The following PPP6R3 variants were observed in gnomAD, a reference collection of about 807,000 sequenced individuals.
PPP6R3 encodes the protein serine/threonine-protein phosphatase 6 regulatory subunit 3.
A neutral mutation model predicts 110.7 loss-of-function variants in PPP6R3; 38 were observed. The observed-to-expected ratio is 0.34, with a 90% confidence interval of 0.26 to 0.45. The LOEUF is 0.45. Among genes scored for constraint, PPP6R3 ranks in the 20% least tolerant of loss-of-function variants. The probability of loss-of-function intolerance (pLI) is 1.00; values close to 1 mark genes in which losing one functional copy is unlikely to be tolerated. For missense variants in PPP6R3, 870 were observed against 1,062.4 expected (o/e 0.82, Z 2.52); for synonymous variants, 369 against 373.5 (o/e 0.99, Z 0.14).
chr11:68,511,408 ACTTTC>A (rs2099108675), intron 1 of PPP6R3, among the ~76,000 whole-genome samples: 1 of 151,126 alleles, frequency 6.6e-6, no homozygotes, highest in African/African-American at 2.4e-5. Flanking sequence ...AATTACAAAT[ACTTTC>A]CTTTCCTAAA....
chr11:68,519,084 T>C (rs1023797986), intron 1 of PPP6R3, among the ~76,000 whole-genome samples: 6 of 152,208 alleles, frequency 3.9e-5, no homozygotes, highest in African/African-American at 1.4e-4. Context: ...TAAAACGTAT[T>C]AAGTGGACTG....
chr11:68,515,891 T>C (rs962731006), intron 1 of PPP6R3, among the ~76,000 whole-genome samples: 2 of 152,250 alleles, frequency 1.3e-5, no homozygotes, highest in Non-Finnish European at 2.9e-5. Flanking sequence ...CATTTTTTTA[T>C]TGTAATAAAA....
chr11:68,608,644 TTTGG>T (rs1437942052), intron 22 of PPP6R3, among the ~76,000 whole-genome samples: 2 of 152,164 alleles, frequency 1.3e-5, no homozygotes, highest in Non-Finnish European at 2.9e-5. Flanking sequence ...GGAGGGCAGC[TTTGG>T]TTGGGAGAAG....
At position 68,613,255 on chromosome 11, in the gene PPP6R3, C is replaced by T. The variant is rs909177332; in HGVS notation, c.*138C>T. 4.2e-6 allele frequency: 6 copies of T among 1,430,102 alleles called. No individual in the cohort carries two copies. The African/African-American group carries it at 8.7e-5, about 21-fold the overall frequency. 88.6% of individuals were successfully genotyped at this position (1,430,102 alleles called of 1,614,324 possible). On this transcript the variant is annotated 3_prime_UTR_variant, in exon 24 of 24. Transcript: ENST00000393800. ...GATCAGGACCAGCAACCTTTATATT[C>T]TAGATTCTAAGACATTGTACAGAGA...
At chr11:68,517,130 C>T (rs550397096) in intron 1 of PPP6R3, among the ~76,000 whole-genome samples, 2 of 150,554 alleles carry the variant, frequency 1.3e-5, no homozygotes, top group South Asian at 4.2e-4. Flanking sequence ...TTTAGAACCC[C>T]TGTTGGTTGG....
chr11:68,494,447 C>T (rs535354085), intron 1 of PPP6R3, among the ~76,000 whole-genome samples: 5 of 145,612 alleles, frequency 3.4e-5, no homozygotes, highest in Middle Eastern at 3.6e-3. Flanking sequence ...GGTACCTATA[C>T]GCAAGTGTAT....
At position 68,614,008 on chromosome 11, in the gene PPP6R3, C is replaced by CATTGGTGAT; in HGVS notation, c.*891_*892insATTGGTGAT. The CATTGGTGAT allele has an allele frequency of 4.1e-6, 4 of 984,992 alleles. No individual in the cohort carries two copies. The highest frequency in any genetic ancestry group is 3.6e-6 in the Non-Finnish European group (3 of 829,850). 61.0% of individuals were successfully genotyped at this position (984,992 alleles called of 1,614,324 possible). ...AAATTTACCTTGTTAACAAGCATCA[C>CATTGGTGAT]CAATGAACATTTCAGAGCAATCTGC... On this transcript the variant is annotated 3_prime_UTR_variant, in exon 24 of 24. Coordinates refer to ENST00000393800, the MANE Select transcript of PPP6R3 (RefSeq NM_001164161.2).
chr11:68,507,939 C>G (rs1051460826), intron 1 of PPP6R3, among the ~76,000 whole-genome samples: 1 of 151,842 alleles, frequency 6.6e-6, no homozygotes, highest in Non-Finnish European at 1.5e-5. Flanking sequence ...GGTGAGGTGG[C>G]TAACACCTGT....
chr11:68,592,540 G>A (rs2099598766), intron 18 of PPP6R3, among the ~76,000 whole-genome samples: 1 of 152,210 alleles, frequency 6.6e-6, no homozygotes, highest in Non-Finnish European at 1.5e-5. Context: ...TGTTGCCACA[G>A]GTTATAGCAG....
chr11:68,554,964 T>C (rs969934785), intron 7 of PPP6R3, among the ~76,000 whole-genome samples: 6 of 152,246 alleles, frequency 3.9e-5, no homozygotes, highest in Non-Finnish European at 8.8e-5. Context: ...CTGCTGTATA[T>C]TGAGGCTGTT....
chr11:68,509,853 G>C (rs2099099490), intron 1 of PPP6R3, among the ~76,000 whole-genome samples: 2 of 147,280 alleles, frequency 1.4e-5, no homozygotes. Flanking sequence ...GGGTTCAAGC[G>C]ATTCTCCTGC....
chr11:68,574,285 C>A, intron 13 of PPP6R3, 61 bp downstream of exon 13: 1 of 1,349,188 alleles, frequency 7.4e-7, no homozygotes, highest in Non-Finnish European at 1.1e-6. Flanking sequence ...ATTTAAGGGT[C>A]AAGTAGAAAT....
rs556236642 is a variant in PPP6R3, at chr11:68,540,428, A to T, written c.227+2537A>T. 1.6e-3 allele frequency among the ~76,000 whole-genome samples: 244 copies of T among 152,330 alleles called. 1 individual carries two copies. The highest frequency in any genetic ancestry group is 5.7e-3 in the African/African-American group (235 of 41,566). On this transcript the variant is annotated intron_variant, in intron 3 of 23. Coordinates refer to ENST00000393800, the MANE Select transcript of PPP6R3 (RefSeq NM_001164161.2). ...AAATAGGTGTGGGTGACAGACATCA[A>T]GTACTTAACAGGGTAATAGAATATC...
intron 23 of PPP6R3, among the ~76,000 whole-genome samples, chr11:68,612,491 G>A (rs558314004): frequency 6.6e-6 from 1 of 151,928 alleles, no homozygotes; most frequent in East Asian, 1.9e-4. Context: ...TGGACACTTT[G>A]TTATATACTG....
In PPP6R3 at chr11:68,548,183, G is replaced by T. The variant is rs2099356664; in HGVS notation, c.531G>T (p.Gln177His). ...TCCTGACGTGTATCGAACCTCCACA[G>T]CCCAGGCAAGATGTGCTGAATGTGA... is the stretch of plus-strand genomic sequence containing the variant. The part of the protein sequence containing the change: ...LRLLTCIEPP[Q>H]PRQDVLNWLN... Residue 177 changes from glutamine (Q) to histidine (H), a missense_variant, in exon 5 of 24, where the codon CAG becomes CAT. By Grantham distance (24) the Gln-to-His change is conservative. Coordinates refer to ENST00000393800, the MANE Select transcript of PPP6R3 (RefSeq NM_001164161.2). 2 of 1,614,152 alleles carry T rather than the reference G, an allele frequency of 1.2e-6. No homozygotes were observed. Among genetic ancestry groups the T allele is most frequent in the African/African-American group, 1.3e-5 (1 of 75,044 alleles).
chr11:68,538,255 G>T (rs2099280757), intron 3 of PPP6R3, among the ~76,000 whole-genome samples: 1 of 152,192 alleles, frequency 6.6e-6, no homozygotes, highest in African/African-American at 2.4e-5. Flanking sequence ...CAGAGCTTGG[G>T]GTTGTGAAGA....
intron 1 of PPP6R3, among the ~76,000 whole-genome samples, chr11:68,515,881 C>T (rs1482332535): frequency 6.6e-6 from 1 of 152,188 alleles, no homozygotes; most frequent in Non-Finnish European, 1.5e-5. Flanking sequence ...GCCCCATTAT[C>T]ATTTTTTTAT....
intron 3 of PPP6R3, among the ~76,000 whole-genome samples, chr11:68,538,475 GTTAA>G (rs2099283759): frequency 6.6e-6 from 1 of 152,164 alleles, no homozygotes; most frequent in Non-Finnish European, 1.5e-5. Flanking sequence ...TGGGGTTTCA[GTTAA>G]TTATTTCTCC....
At chr11:68,568,947 G>T (rs1355434915) in intron 10 of PPP6R3, among the ~76,000 whole-genome samples, 1 of 151,986 alleles carries the variant, frequency 6.6e-6, no homozygotes, top group East Asian at 1.9e-4. Context: ...TGTATTTTTA[G>T]TAGAGACGGG....
Sources: gnomAD v4.1 joint callset for allele counts (sites outside exome capture counted in the v4.1 genomes callset) on GRCh38, gnomAD v4.1.1 for gene constraint, MANE v1.5 for transcripts, NCBI Gene and HGNC (gene_info 2026-07-23, HGNC 2026-07-21) for gene names.